VPS41: variants seen among roughly 807,000 people sequenced by gnomAD.
The protein encoded by VPS41 is VPS41 subunit of HOPS complex, also known as vacuolar protein sorting-associated protein 41 homolog.
VPS41 carries 85 observed loss-of-function variants against 130.9 expected under a neutral mutation model. The observed-to-expected ratio is 0.65, with a 90% CI of 0.55 to 0.78. VPS41 has a LOEUF of 0.78. Ranked by LOEUF, VPS41 falls within the 30% of genes least tolerant of loss-of-function variation. VPS41 has a pLI of 0.00. For missense variants in VPS41, 874 were observed against 1,018.7 expected (o/e 0.86, Z 1.93); for synonymous variants, 335 against 332.9 (o/e 1.01, Z -0.07).
chr7:38,891,820 G>A (rs1261224310), intron 2 of VPS41, among the ~76,000 whole-genome samples: 1 of 151,948 alleles, frequency 6.6e-6, no homozygotes, highest in Non-Finnish European at 1.5e-5. Context: ...TTCATTTCTG[G>A]ATATTTAGCC....
chr7:38,762,999 G>C (rs1286724291), intron 17 of VPS41, among the ~76,000 whole-genome samples: 1 of 152,046 alleles, frequency 6.6e-6, no homozygotes. Context: ...AACTGTAACA[G>C]AATCATAAAA....
intron 5 of VPS41, among the ~76,000 whole-genome samples, chr7:38,821,848 T>C (rs756505480): frequency 6.6e-6 from 1 of 152,192 alleles, no homozygotes; most frequent in African/African-American, 2.4e-5. Flanking sequence ...ATTAAATGCA[T>C]GCCATTAAAA....
At chr7:38,764,510 A>C (rs1336762315) in intron 16 of VPS41, among the ~76,000 whole-genome samples, 1 of 151,872 alleles carries the variant, frequency 6.6e-6, no homozygotes, top group Non-Finnish European at 1.5e-5. Context: ...TATGCAGATA[A>C]CTCTGGGCTA....
chr7:38,886,598 T>C (rs1009497213), intron 2 of VPS41, among the ~76,000 whole-genome samples: 3 of 152,222 alleles, frequency 2.0e-5, no homozygotes, highest in African/African-American at 4.8e-5. Context: ...AGGGTATATC[T>C]GAACAAAAGG....
At chr7:38,894,836 T>C (rs892660993) in intron 2 of VPS41, among the ~76,000 whole-genome samples, 4 of 151,914 alleles carry the variant, frequency 2.6e-5, no homozygotes, top group Admixed American at 1.3e-4. Context: ...GAGCCCAGAG[T>C]TGGAACCCCT....
intron 10 of VPS41, among the ~76,000 whole-genome samples, chr7:38,777,441 T>A (rs1301274573): frequency 6.6e-6 from 1 of 152,236 alleles, no homozygotes; most frequent in Non-Finnish European, 1.5e-5. Context: ...TTAATTGCAC[T>A]GGACCCCAAA....
At chr7:38,774,695 T>C (rs1184752371) in intron 11 of VPS41, among the ~76,000 whole-genome samples, 1 of 152,190 alleles carries the variant, frequency 6.6e-6, no homozygotes, top group Non-Finnish European at 1.5e-5. Context: ...GGCTCTTTTA[T>C]ATGTATAAGA....
At chr7:38,899,541 A>G (rs1396586224) in intron 1 of VPS41, among the ~76,000 whole-genome samples, 2 of 152,196 alleles carry the variant, frequency 1.3e-5, no homozygotes, top group Non-Finnish European at 2.9e-5. Context: ...TTGTGGACAT[A>G]GTCCACTTTA....
intron 1 of VPS41, among the ~76,000 whole-genome samples, chr7:38,902,125 G>C (rs1787158902): frequency 6.6e-6 from 1 of 152,100 alleles, no homozygotes; most frequent in Admixed American, 6.5e-5. Context: ...TGTGATTTCT[G>C]TGCCTTGACA....
Position 38,752,496 on chromosome 7 carries a change from G to A in VPS41, c.1789-183C>T, listed in dbSNP as rs541004310. Among the ~76,000 whole-genome samples the A allele has an allele frequency of 5.3e-5, 8 of 152,222 alleles. No individual in the cohort carries two copies. In the South Asian group the frequency reaches 6.2e-4, roughly 12 times the overall value. On this transcript the variant is annotated intron_variant, in intron 21 of 28. Coordinates refer to ENST00000310301, the MANE Select transcript of VPS41 (RefSeq NM_014396.4). ...ACCCTTTGGGAGAGCAAAGGATTCC[G>A]ATAATTTCTCTAGAAGGGCCCCAAA...
chr7:38,772,734 C>T (rs920956320), intron 12 of VPS41, 97 bp from the exon 13 acceptor site: 8 of 690,970 alleles, frequency 1.2e-5, no homozygotes, highest in Admixed American at 1.0e-4. Context: ...AACCCAAGAG[C>T]GAACAGAAAA....
intron 6 of VPS41, among the ~76,000 whole-genome samples, chr7:38,820,096 C>G (rs933172777): frequency 6.6e-6 from 1 of 152,172 alleles, no homozygotes; most frequent in African/African-American, 2.4e-5. Context: ...TGAACTGACC[C>G]TGAGCTCTTC....
At chr7:38,869,112 T>C in intron 3 of VPS41, 34 bp downstream of exon 3, 1 of 1,479,632 alleles carries the variant, frequency 6.8e-7, no homozygotes, top group African/African-American at 1.4e-5. Context: ...ATGGAAACAA[T>C]TTACAGAAGA....
At position 38,778,142 on chromosome 7, in the gene VPS41, C is replaced by T. The variant is rs370562293; in HGVS notation, c.785-1366G>A. Among the ~76,000 whole-genome samples, 3 of 152,290 alleles carry T rather than the reference C, an allele frequency of 2.0e-5. 1 individual carries two copies. Among genetic ancestry groups the T allele is most frequent in the East Asian group, 1.9e-4 (1 of 5,188 alleles). On this transcript the variant is annotated intron_variant, in intron 10 of 28. Coordinates refer to ENST00000310301, the MANE Select transcript of VPS41 (RefSeq NM_014396.4). Reference sequence around the variant, plus strand: ...ATCTGCTTTGTCCTCAATTAAAGTACCATACAATGGAAGTCCAAGGGCAAG... The same window carrying T: ...ATCTGCTTTGTCCTCAATTAAAGTATCATACAATGGAAGTCCAAGGGCAAG...
intron 17 of VPS41, among the ~76,000 whole-genome samples, chr7:38,763,229 G>A (rs1783958995): frequency 6.6e-6 from 1 of 152,074 alleles, no homozygotes; most frequent in South Asian, 2.1e-4. Flanking sequence ...TTTAGTTCTA[G>A]AAAGAAGGTA....
intron 25 of VPS41, among the ~76,000 whole-genome samples, chr7:38,734,683 C>A (rs1179017498): frequency 6.6e-6 from 1 of 152,130 alleles, no homozygotes; most frequent in Non-Finnish European, 1.5e-5. Context: ...TTAGAAACAG[C>A]GGCCATGCGA....
intron 17 of VPS41, among the ~76,000 whole-genome samples, chr7:38,760,067 G>T (rs1166587738): frequency 6.6e-6 from 1 of 152,046 alleles, no homozygotes; most frequent in Non-Finnish European, 1.5e-5. Flanking sequence ...AAATTTTGTG[G>T]TTCCCCGATT....
chr7:38,835,862 C>T (rs10242407), intron 4 of VPS41, among the ~76,000 whole-genome samples: 141,940 of 151,730 alleles, frequency 0.94, 66,543 homozygotes, highest in East Asian at 1. Context: ...TCAAAGGGTA[C>T]AATGATTATA....
At chr7:38,726,365 T>A (rs1795544590) in intron 28 of VPS41, 39 bp from the exon 29 acceptor site, 1 of 1,496,802 alleles carries the variant, frequency 6.7e-7, no homozygotes, top group East Asian at 2.3e-5. Context: ...TAAAAAATGA[T>A]CTTCTTTTTC....
Sources: gnomAD v4.1 joint callset for allele counts (sites outside exome capture counted in the v4.1 genomes callset) on GRCh38, gnomAD v4.1.1 for gene constraint, MANE v1.5 for transcripts, NCBI Gene and HGNC (gene_info 2026-07-23, HGNC 2026-07-21) for gene names.